The following CSF1R variants were observed in gnomAD, a reference collection of about 807,000 sequenced individuals.
The protein encoded by CSF1R is colony stimulating factor 1 receptor, also known as macrophage colony-stimulating factor 1 receptor.
CSF1R carries 40 observed loss-of-function variants against 110.0 expected under a neutral mutation model. The observed-to-expected ratio is 0.36, with a 90% CI of 0.28 to 0.47. CSF1R has a LOEUF of 0.47. Ranked by LOEUF, CSF1R falls within the 20% of genes least tolerant of loss-of-function variation. The probability of loss-of-function intolerance (pLI) is 0.99; values close to 1 mark genes in which losing one functional copy is unlikely to be tolerated. For missense variants in CSF1R, 1,052 were observed against 1,253.0 expected (o/e 0.84, Z 2.42); for synonymous variants, 523 against 503.4 (o/e 1.04, Z -0.52).
intron 1 of CSF1R, among the ~76,000 whole-genome samples, chr5:150,096,736 G>C (rs918168034): frequency 6.6e-6 from 1 of 152,078 alleles, no homozygotes; most frequent in East Asian, 1.9e-4. Context: ...AATCACATAG[G>C]CTTCTTAATA....
upstream of CSF1R, among the ~76,000 whole-genome samples, chr5:150,088,416 C>T (rs1298937978): frequency 6.6e-6 from 1 of 152,136 alleles, no homozygotes; most frequent in Non-Finnish European, 1.5e-5. Context: ...TTTTCTGGTA[C>T]CAAAGCTAGA....
chr5:150,110,432 G>A (rs1196553473), intron 1 of CSF1R, among the ~76,000 whole-genome samples: 1 of 152,190 alleles, frequency 6.6e-6, no homozygotes, highest in Non-Finnish European at 1.5e-5. Flanking sequence ...TTTCTTTGTG[G>A]CACTGGGGAA....
upstream of CSF1R, among the ~76,000 whole-genome samples, chr5:150,087,604 A>G (rs910994815): frequency 6.6e-6 from 1 of 152,250 alleles, no homozygotes; most frequent in Admixed American, 6.5e-5. Flanking sequence ...ATTGTTCTGC[A>G]TAATTCTTAA....
chr5:150,055,457 A>G, intron 18 of CSF1R, 121 bp from the exon 19 acceptor site: 2 of 789,136 alleles, frequency 2.5e-6, no homozygotes, highest in Non-Finnish European at 4.2e-6. Context: ...AACAGCAGCT[A>G]CTCTTACCCG....
intron 1 of CSF1R, among the ~76,000 whole-genome samples, chr5:150,108,008 C>T (rs1057505130): frequency 2.0e-5 from 3 of 151,878 alleles, no homozygotes; most frequent in Non-Finnish European, 4.4e-5. Flanking sequence ...CTGGGATCAC[C>T]GGAGAGAAGA....
chr5:150,100,286 T>TA lies in CSF1R; in HGVS notation c.-181+12974dup, dbSNP rs201579205. Among the ~76,000 whole-genome samples, 349 of 126,810 alleles carry TA rather than the reference T, an allele frequency of 2.8e-3. 22 individuals carry two copies. The highest frequency in any genetic ancestry group is 6.0e-3 in the African/African-American group (200 of 33,450). 83.2% of individuals were successfully genotyped at this position (126,810 alleles called of 152,430 possible). On this transcript the variant is annotated intron_variant, in intron 1 of 21. Coordinates refer to the CSF1R transcript ENST00000286301. ...TTTAAGTGAACCTAAGATCATTGGC[T>TA]AACCTTTTTTTTTTTTTTTTTTTTT... is the stretch of plus-strand genomic sequence containing the variant.
At chr5:150,059,914 T>A in intron 13 of CSF1R, 52 bp from the exon 14 acceptor site, 1 of 1,568,634 alleles carries the variant, frequency 6.4e-7, no homozygotes, top group Non-Finnish European at 8.7e-7. Flanking sequence ...CTCCCCTCCA[T>A]GAACAGGAGC....
chr5:150,088,844 C>G (rs920418840), upstream of CSF1R, among the ~76,000 whole-genome samples: 2 of 152,092 alleles, frequency 1.3e-5, no homozygotes, highest in Non-Finnish European at 2.9e-5. Flanking sequence ...ACCAGCAAAC[C>G]AAATCTAACA....
At chr5:150,111,634 A>C (rs7709336) in intron 1 of CSF1R, among the ~76,000 whole-genome samples, 16,199 of 152,096 alleles carry the variant, frequency 0.11, 1,280 homozygotes, top group East Asian at 0.25. Context: ...AGCTCTGCAA[A>C]TTTGGGTGGG....
intron 1 of CSF1R, among the ~76,000 whole-genome samples, chr5:150,102,070 C>G (rs1294251068): frequency 6.6e-6 from 1 of 152,170 alleles, no homozygotes; most frequent in Non-Finnish European, 1.5e-5. Context: ...TAATTTTTCT[C>G]CATTGCAAAC....
upstream of CSF1R, among the ~76,000 whole-genome samples, chr5:150,088,690 T>G (rs1471535754): frequency 6.6e-6 from 1 of 152,180 alleles, no homozygotes; most frequent in Middle Eastern, 3.4e-3. Flanking sequence ...TGCGCCACCA[T>G]GCCCAGCTAA....
intron 3 of CSF1R, 117 bp from the exon 4 acceptor site, chr5:150,078,365 C>G: frequency 7.4e-7 from 1 of 1,342,958 alleles, no homozygotes; most frequent in Non-Finnish European, 1.0e-6. Context: ...ACTGCCCCAT[C>G]CCAAATCCTG....
intron 1 of CSF1R, among the ~76,000 whole-genome samples, chr5:150,099,609 A>G (rs1218670225): frequency 1.3e-5 from 2 of 152,222 alleles, no homozygotes; most frequent in Non-Finnish European, 2.9e-5. Context: ...TCTTTATGCT[A>G]AGTGAAAGAA....
intron 14 of CSF1R, among the ~76,000 whole-genome samples, chr5:150,059,447 G>A (rs1757400106): frequency 1.3e-5 from 2 of 152,226 alleles, no homozygotes; most frequent in South Asian, 4.1e-4. Context: ...CAGATTATGA[G>A]CTGCCCATCT....
chr5:150,086,279 A>G, intron 1 of CSF1R, 100 bp downstream of exon 1: 1 of 1,219,648 alleles, frequency 8.2e-7, no homozygotes, highest in Non-Finnish European at 1.2e-6. Context: ...AGACTAAAAC[A>G]GCCTGAGGAC....
At chr5:150,069,777 C>T in intron 9 of CSF1R, 96 bp downstream of exon 9, 1 of 1,245,716 alleles carries the variant, frequency 8.0e-7, no homozygotes, top group Non-Finnish European at 1.1e-6. Context: ...GAGCCAACCC[C>T]AGCTCCCTCG....
At chr5:150,069,506 C>T (rs1352479858) in intron 9 of CSF1R, among the ~76,000 whole-genome samples, 4 of 152,182 alleles carry the variant, frequency 2.6e-5, no homozygotes, top group African/African-American at 4.8e-5. Flanking sequence ...CCTCATCAGC[C>T]TCTGAGCTCT....
chr5:150,091,852 C>CAAAAAAA (rs57967086), intron 1 of CSF1R, among the ~76,000 whole-genome samples: 2 of 71,230 alleles, frequency 2.8e-5, no homozygotes, highest in African/African-American at 5.9e-5. Flanking sequence ...CCCATACTAC[C>CAAAAAAA]AAAAAAAAAA....
At position 150,053,833 on chromosome 5, in the gene CSF1R, GGA is replaced by G. The variant is rs1426396788; in HGVS notation, c.*234_*235del. 1.1e-3 allele frequency: 578 copies of G among 535,914 alleles called. No individual in the cohort carries two copies. Among genetic ancestry groups the G allele is most frequent in the African/African-American group, 0.01 (449 of 43,488 alleles). The allele number at this position is 535,914 out of a possible 1,614,324, so 33.2% of individuals were successfully genotyped here. A position where few individuals can be genotyped will look rare whatever the true frequency, so the allele number is the denominator to read the frequency against. ...AGGCCAACACCATGAGAACAGTAGG[GGA>G]GGGGGGGGTGAGGGCTCAGCCCCCA... On this transcript the variant is annotated 3_prime_UTR_variant, in exon 21 of 21. Transcript: ENST00000675795.
Sources: allele counts gnomAD v4.1 joint callset (sites outside exome capture counted in the v4.1 genomes callset), GRCh38; gene constraint gnomAD v4.1.1; transcripts MANE v1.5; gene names NCBI Gene and HGNC (gene_info 2026-07-23, HGNC 2026-07-21).